USP15: variants seen among roughly 807,000 people sequenced by gnomAD.
USP15 encodes the protein ubiquitin carboxyl-terminal hydrolase 15.
In USP15, 18 loss-of-function variants were observed where a neutral mutation model predicts 127.1. That is an observed-to-expected ratio of 0.14 (90% CI 0.10 to 0.21). The LOEUF is 0.21. Ranked by LOEUF, USP15 falls within the 10% of genes least tolerant of loss-of-function variation. The pLI is 1.00. For missense variants in USP15, 805 were observed against 1,159.9 expected, an observed-to-expected ratio of 0.69 and a Z score of 4.44; for synonymous variants, 364 against 393.7, an observed-to-expected ratio of 0.92 and a Z score of 0.89.
At position 62,325,868 on chromosome 12, in the gene USP15, G is replaced by C; in HGVS notation, c.622-4G>C. The C allele has an allele frequency of 6.2e-7, 1 of 1,604,122 alleles. No homozygotes were observed. The highest frequency in any genetic ancestry group is 8.5e-7 in the Non-Finnish European group (1 of 1,174,386). On this transcript the variant is annotated splice_polypyrimidine_tract_variant and splice_region_variant and intron_variant, in intron 5 of 21. Transcript: ENST00000280377. ...AACACCCTTTTATTGTGTCATATTT[G>C]CAGGTATTAGTGATAGAACAGAAAA... is the stretch of plus-strand genomic sequence containing the variant.
At chr12:62,308,845 T>C (rs1444567312) in intron 3 of USP15, among the ~76,000 whole-genome samples, 2 of 152,116 alleles carry the variant, frequency 1.3e-5, no homozygotes, top group African/African-American at 4.8e-5. Context: ...GATAACCTGA[T>C]TATCCCCCAA....
At chr12:62,401,602 C>CAAG in intron 21 of USP15, among the ~76,000 whole-genome samples, 1 of 151,610 alleles carries the variant, frequency 6.6e-6, no homozygotes, top group Non-Finnish European at 1.5e-5. Flanking sequence ...TACTTAAAGC[C>CAAG]AGAATGTTTA....
chr12:62,294,420 T>C, intron 2 of USP15, 114 bp downstream of exon 2: 1 of 1,201,282 alleles, frequency 8.3e-7, no homozygotes. Context: ...AGTTTTGCAT[T>C]ACAGATTTTA....
chr12:62,385,087 C>G (rs886609766), intron 11 of USP15, among the ~76,000 whole-genome samples: 2 of 151,808 alleles, frequency 1.3e-5, no homozygotes, highest in Non-Finnish European at 3.0e-5. Context: ...TTACTTTTAT[C>G]TTTTATCCCT....
intron 1 of USP15, among the ~76,000 whole-genome samples, chr12:62,271,607 A>G (rs903180065): frequency 1.3e-5 from 2 of 151,962 alleles, no homozygotes; most frequent in Non-Finnish European, 2.9e-5. Context: ...CTCCCGGTGT[A>G]GAAAAGTTAC....
At chr12:62,293,146 T>C (rs1191095822) in intron 1 of USP15, among the ~76,000 whole-genome samples, 1 of 152,224 alleles carries the variant, frequency 6.6e-6, no homozygotes, top group East Asian at 1.9e-4. Context: ...AGCTCTCCCA[T>C]AGATCGCATA....
intron 1 of USP15, among the ~76,000 whole-genome samples, chr12:62,277,064 G>A (rs1309111169): frequency 2.6e-5 from 4 of 152,064 alleles, no homozygotes; most frequent in African/African-American, 9.7e-5. Context: ...GCATATATGT[G>A]AAGATGTATC....
At chr12:62,374,346 CT>C (rs2066762256) in intron 8 of USP15, 2 of 980,390 alleles carry the variant, frequency 2.0e-6, no homozygotes, top group Non-Finnish European at 2.4e-6. Context: ...AACTCAAAAG[CT>C]TTAGGTAATC....
chr12:62,359,129 G>A (rs919560530), intron 8 of USP15, among the ~76,000 whole-genome samples: 40 of 151,070 alleles, frequency 2.6e-4, no homozygotes, highest in African/African-American at 9.7e-4. Flanking sequence ...TTGGTTGGGT[G>A]AAGTTCCCAG....
At chr12:62,265,820 T>C (rs2063179544) in intron 1 of USP15, among the ~76,000 whole-genome samples, 1 of 152,226 alleles carries the variant, frequency 6.6e-6, no homozygotes, top group Non-Finnish European at 1.5e-5. Context: ...TATTAATAGC[T>C]GGGATTACAG....
At chr12:62,348,248 T>A (rs1368657398) in intron 6 of USP15, among the ~76,000 whole-genome samples, 1 of 152,190 alleles carries the variant, frequency 6.6e-6, no homozygotes, top group Non-Finnish European at 1.5e-5. Context: ...TGTACATTTT[T>A]TTATATTTAA....
At chr12:62,362,421 G>A (rs543219267) in intron 8 of USP15, among the ~76,000 whole-genome samples, 3 of 152,198 alleles carry the variant, frequency 2.0e-5, no homozygotes, top group East Asian at 3.9e-4. Flanking sequence ...GTTTCCCTAG[G>A]AGGTGATATA....
At chr12:62,328,337 T>C (rs762082671) in intron 6 of USP15, 24 of 452,532 alleles carry the variant, frequency 5.3e-5, no homozygotes, top group Non-Finnish European at 8.9e-5. Flanking sequence ...ACTGCTGATG[T>C]AGTATGAAAG....
rs374146479 is a variant in USP15 at position 62,366,052 on chromosome 12, A to C, written c.915+10577A>C. Reference sequence around the variant, plus strand: ...GCTATGCCGGCTCTTTTCTGGTTCCATATGAAGTTTAAAGTAGTTTTTTCC... The same window carrying C: ...GCTATGCCGGCTCTTTTCTGGTTCCCTATGAAGTTTAAAGTAGTTTTTTCC... On this transcript the variant is annotated intron_variant, in intron 8 of 21. Transcript: ENST00000280377. Among the ~76,000 whole-genome samples the C allele has an allele frequency of 4.6e-5, 7 of 152,298 alleles. No homozygotes were observed. The South Asian group carries it at 8.3e-4, about 18-fold the overall frequency.
intron 20 of USP15, among the ~76,000 whole-genome samples, chr12:62,400,176 T>A: frequency 6.6e-6 from 1 of 152,152 alleles, no homozygotes; most frequent in East Asian, 1.9e-4. Flanking sequence ...ATACAAGGCA[T>A]GGGATGGGGA....
rs1268974051 is a variant in USP15 at position 62,415,724 on chromosome 12, T to C, written c.*11349T>C. On this transcript the variant is annotated 3_prime_UTR_variant, in exon 22 of 22. Coordinates refer to ENST00000280377, the MANE Select transcript of USP15 (RefSeq NM_001252078.2). ...ATGACTTTTCTCAGAATATACAGTT[T>C]GCTTGTGATGGAGGGCTATTAATAT... The C allele has an allele frequency of 6.6e-6, 1 of 152,234 alleles. No homozygotes were observed. Among genetic ancestry groups the C allele is most frequent in the Non-Finnish European group, 1.5e-5 (1 of 68,036 alleles). The allele number at this position is 152,234 out of a possible 1,614,324, so 9.4% of individuals were successfully genotyped here. A position where few individuals can be genotyped will look rare whatever the true frequency, so the allele number is the denominator to read the frequency against.
intron 8 of USP15, among the ~76,000 whole-genome samples, chr12:62,371,326 A>G (rs1438077619): frequency 6.6e-6 from 1 of 152,186 alleles, no homozygotes; most frequent in Non-Finnish European, 1.5e-5. Context: ...TCTCATGGAC[A>G]AATACGTATT....
intron 6 of USP15, among the ~76,000 whole-genome samples, chr12:62,344,509 C>G (rs1411574757): frequency 6.6e-6 from 1 of 152,194 alleles, no homozygotes; most frequent in African/African-American, 2.4e-5. Context: ...TGCAGCTTTT[C>G]CAGGTGCACA....
chr12:62,390,342 C>T (rs2067283603), intron 14 of USP15, among the ~76,000 whole-genome samples: 1 of 152,148 alleles, frequency 6.6e-6, no homozygotes, highest in African/African-American at 2.4e-5. Flanking sequence ...TAACAAATGT[C>T]AAATGCTTCA....
Sources: allele counts gnomAD v4.1 joint callset (sites outside exome capture counted in the v4.1 genomes callset), GRCh38; gene constraint gnomAD v4.1.1; transcripts MANE v1.5; gene names NCBI Gene and HGNC (gene_info 2026-07-23, HGNC 2026-07-21).